Variants in CNTN1 observed in about 807,000 individuals in gnomAD.
CNTN1 encodes the protein contactin 1, also known as contactin-1.
Under a neutral mutation model 126.4 loss-of-function variants are expected in CNTN1, and 38 were observed. The observed-to-expected ratio is 0.30, with a 90% CI of 0.23 to 0.39. The LOEUF is 0.39. Among genes scored for constraint, CNTN1 ranks in the 10% least tolerant of loss-of-function variants. The pLI is 1.00. For missense variants in CNTN1, 1,009 were observed against 1,248.4 expected (o/e 0.81, Z 2.89); for synonymous variants, 413 against 422.6 (o/e 0.98, Z 0.28).
chr12:40,720,176 A>G (rs574543319), intron 1 of CNTN1, among the ~76,000 whole-genome samples: 1 of 151,898 alleles, frequency 6.6e-6, no homozygotes, highest in South Asian at 2.1e-4. Context: ...AGACTTGTCT[A>G]CTCATGACTA....
intron 1 of CNTN1, among the ~76,000 whole-genome samples, chr12:40,833,677 G>A (rs550195008): frequency 1.1e-4 from 16 of 152,184 alleles, no homozygotes; most frequent in African/African-American, 2.9e-4. Context: ...TATTTTCCAA[G>A]TTGTGGTTGA....
At chr12:40,784,579 A>G (rs773170023) in intron 1 of CNTN1, among the ~76,000 whole-genome samples, 2 of 152,130 alleles carry the variant, frequency 1.3e-5, no homozygotes, top group Non-Finnish European at 2.9e-5. Flanking sequence ...GAGGATAAAG[A>G]TGAAGTGAAA....
At chr12:40,712,368 G>C (rs919907384) in intron 1 of CNTN1, among the ~76,000 whole-genome samples, 3 of 152,136 alleles carry the variant, frequency 2.0e-5, no homozygotes, top group Non-Finnish European at 2.9e-5. Flanking sequence ...CAATGTAATA[G>C]TAGTGGATAG....
intron 5 of CNTN1, among the ~76,000 whole-genome samples, chr12:40,923,566 T>C (rs1945526793): frequency 6.6e-6 from 1 of 152,148 alleles, no homozygotes. Context: ...ACATTTTTTT[T>C]CCAAGTTATG....
intron 1 of CNTN1, among the ~76,000 whole-genome samples, chr12:40,696,135 T>C (rs1941445912): frequency 6.6e-6 from 1 of 152,232 alleles, no homozygotes. Flanking sequence ...TAATTACTCA[T>C]AAAGAATAGC....
At chr12:40,917,219 A>G (rs1945277747) in intron 3 of CNTN1, among the ~76,000 whole-genome samples, 1 of 152,080 alleles carries the variant, frequency 6.6e-6, no homozygotes, top group Non-Finnish European at 1.5e-5. Flanking sequence ...TTAGTTGAAT[A>G]GCTTATATAC....
chr12:40,831,717 C>T (rs1941847463), intron 1 of CNTN1, among the ~76,000 whole-genome samples: 1 of 152,030 alleles, frequency 6.6e-6, no homozygotes, highest in Non-Finnish European at 1.5e-5. Context: ...CAATCTCTTT[C>T]TTCTCACAAG....
At position 41,067,896 on chromosome 12, in the gene CNTN1, A is replaced by T. The variant is rs993885719; in HGVS notation, c.2981-2063A>T. ...TAAAATAATGTGTGGTCTGTGGCAT[A>T]TTTTAAAAAATTTGTAGAAAAGTAG... is the stretch of plus-strand genomic sequence containing the variant. On this transcript the variant is annotated intron_variant, in intron 23 of 23. Transcript: ENST00000551295. Among the ~76,000 whole-genome samples, 2 of 152,222 alleles carry T rather than the reference A, an allele frequency of 1.3e-5. 1 individual carries two copies. Among genetic ancestry groups the T allele is most frequent in the Non-Finnish European group, 2.9e-5 (2 of 68,040 alleles).
rs1940145358 is a variant in CNTN1, at chr12:40,789,393, GAAAAC to G, written c.-77+96804_-77+96808del. ...TTTGTAAGAGGCATACTGTTGCAAT[GAAAAC>G]AACCTAAAGAAATTGAAATTTGAAT... is the stretch of plus-strand genomic sequence containing the variant. On this transcript the variant is annotated intron_variant, in intron 1 of 23. Coordinates refer to ENST00000551295, the MANE Select transcript of CNTN1 (RefSeq NM_001843.4). 7.5e-5 allele frequency among the ~76,000 whole-genome samples: 2 copies of G among 26,636 alleles called. 1 individual carries two copies. The highest frequency in any genetic ancestry group is 1.8e-4 in the African/African-American group (2 of 11,314). The allele number at this position is 26,636 out of a possible 152,430, so 17.5% of individuals were successfully genotyped here. A position where few individuals can be genotyped will look rare whatever the true frequency, so the allele number is the denominator to read the frequency against.
chr12:40,942,631 C>G (rs1379677614), intron 12 of CNTN1, among the ~76,000 whole-genome samples: 1 of 152,068 alleles, frequency 6.6e-6, no homozygotes, highest in Admixed American at 6.6e-5. Flanking sequence ...ATAAATTACA[C>G]TCCTCAGAGT....
chr12:40,977,984 G>T (rs76635235), intron 15 of CNTN1, among the ~76,000 whole-genome samples: 1 of 151,826 alleles, frequency 6.6e-6, no homozygotes, highest in Non-Finnish European at 1.5e-5. Context: ...TGTATTTTTC[G>T]TAGAGATCCG....
chr12:40,796,716 A>T (rs1274016223), intron 1 of CNTN1, among the ~76,000 whole-genome samples: 1 of 152,060 alleles, frequency 6.6e-6, no homozygotes, highest in Non-Finnish European at 1.5e-5. Context: ...GAGAGACAGA[A>T]CTTAAGGAGA....
chr12:41,019,778 T>G (rs1370200068), intron 19 of CNTN1, among the ~76,000 whole-genome samples: 1 of 152,168 alleles, frequency 6.6e-6, no homozygotes, highest in South Asian at 2.1e-4. Flanking sequence ...TTTTTAAAGA[T>G]CTTAGCTTGA....
At chr12:40,980,758 T>C in intron 15 of CNTN1, 151 bp from the exon 16 acceptor site, 1 of 744,148 alleles carries the variant, frequency 1.3e-6, no homozygotes, top group Admixed American at 2.2e-5. Flanking sequence ...ATATCACTTC[T>C]TATAATCTAT....
At chr12:40,973,297 T>G (rs1464564794) in intron 15 of CNTN1, among the ~76,000 whole-genome samples, 3 of 152,110 alleles carry the variant, frequency 2.0e-5, no homozygotes, top group African/African-American at 7.2e-5. Context: ...GATTTATATT[T>G]TAAAATAGGA....
chr12:40,750,494 A>G (rs1035012887), intron 1 of CNTN1, among the ~76,000 whole-genome samples: 6 of 151,904 alleles, frequency 3.9e-5, no homozygotes, highest in African/African-American at 1.5e-4. Context: ...TGCGTTTTTT[A>G]AAAAAGAATT....
chr12:40,799,631 A>T (rs1308375925), intron 1 of CNTN1, among the ~76,000 whole-genome samples: 2 of 152,022 alleles, frequency 1.3e-5, no homozygotes, highest in African/African-American at 4.8e-5. Context: ...GCCAGTCAGT[A>T]AGTAAGCATT....
At position 40,991,877 on chromosome 12, in the gene CNTN1, A is replaced by T. The variant is rs1397878744; in HGVS notation, c.1964-1243A>T. Among the ~76,000 whole-genome samples the T allele has an allele frequency of 4.6e-5, 7 of 152,210 alleles. 1 individual carries two copies. The highest frequency in any genetic ancestry group is 1.7e-4 in the African/African-American group (7 of 41,464). On this transcript the variant is annotated intron_variant, in intron 16 of 23. Coordinates refer to ENST00000551295, the MANE Select transcript of CNTN1 (RefSeq NM_001843.4). ...CAAAAAGGCTACCTTACTCAGCGTT[A>T]TCAGTTATCACTTCACTCTGTAAAC...
At chr12:40,707,435 G>T (rs965529678) in intron 1 of CNTN1, among the ~76,000 whole-genome samples, 3 of 151,646 alleles carry the variant, frequency 2.0e-5, no homozygotes, top group Non-Finnish European at 4.4e-5. Flanking sequence ...GTATTTTTTA[G>T]TAGAGACGGG....
Sources: gnomAD v4.1 joint callset for allele counts (sites outside exome capture counted in the v4.1 genomes callset) on GRCh38, gnomAD v4.1.1 for gene constraint, MANE v1.5 for transcripts, NCBI Gene and HGNC (gene_info 2026-07-23, HGNC 2026-07-21) for gene names.